Variants in ATP8B4 observed in about 807,000 individuals in gnomAD.
The protein encoded by ATP8B4 is probable phospholipid-transporting ATPase IM.
Under a neutral mutation model 145.6 loss-of-function variants are expected in ATP8B4, and 133 were observed. The ratio of observed to expected loss-of-function variants is 0.91; its 90% confidence interval spans 0.79 to 1.05. The LOEUF (loss-of-function observed/expected upper bound fraction) is 1.05. ATP8B4 is among the 50% of genes least tolerant of loss of function. The probability of loss-of-function intolerance (pLI) is 0.00; values close to 1 mark genes in which losing one functional copy is unlikely to be tolerated. For synonymous variants in ATP8B4, 507 were observed against 492.9 expected (o/e 1.03, Z -0.38); for missense variants, 1,458 against 1,425.2 (o/e 1.02, Z -0.37).
chr15:50,089,619 C>A (rs2055461708), intron 2 of ATP8B4, among the ~76,000 whole-genome samples: 2 of 152,040 alleles, frequency 1.3e-5, no homozygotes, highest in African/African-American at 4.8e-5. Context: ...AGTCAAGAAA[C>A]CACAGATGCT....
intron 14 of ATP8B4, among the ~76,000 whole-genome samples, chr15:49,949,477 G>C (rs772637537): frequency 7.2e-5 from 11 of 151,970 alleles, no homozygotes; most frequent in Non-Finnish European, 1.6e-4. Context: ...CTTGCCTATT[G>C]TTGGTGTAAA....
chr15:49,877,713 A>G (rs1459642663), intron 24 of ATP8B4, among the ~76,000 whole-genome samples: 1 of 152,110 alleles, frequency 6.6e-6, no homozygotes, highest in Non-Finnish European at 1.5e-5. Flanking sequence ...CATGCCCAGA[A>G]ATGCAAACAA....
rs1370590285 is a variant in ATP8B4, at chr15:50,012,123, T to C, written c.363-1206A>G. Among the ~76,000 whole-genome samples the C allele has an allele frequency of 2.0e-5, 3 of 152,274 alleles. No homozygotes were observed. In the East Asian group the frequency reaches 5.8e-4, roughly 29 times the overall value. ...AATCATTTTTCCAGTGCTACACTTTTCTGAACTTTAACTAGTTTGACAACA... is the reference window on the plus strand; with the variant it reads ...AATCATTTTTCCAGTGCTACACTTTCCTGAACTTTAACTAGTTTGACAACA... On this transcript the variant is annotated intron_variant, in intron 6 of 27. Transcript: ENST00000284509.
chr15:49,933,899 A>G, intron 15 of ATP8B4, 118 bp downstream of exon 15: 1 of 1,151,058 alleles, frequency 8.7e-7, no homozygotes. Context: ...AAAAACAAAA[A>G]CAAAAAACAA....
At chr15:49,884,177 G>A (rs1478278332) in intron 23 of ATP8B4, among the ~76,000 whole-genome samples, 1 of 151,842 alleles carries the variant, frequency 6.6e-6, no homozygotes, top group African/African-American at 2.4e-5. Flanking sequence ...TTGATAGTGG[G>A]GTCCTGAGAT....
At chr15:50,084,936 C>T (rs1049891324) in intron 2 of ATP8B4, among the ~76,000 whole-genome samples, 9 of 152,212 alleles carry the variant, frequency 5.9e-5, no homozygotes, top group African/African-American at 1.9e-4. Flanking sequence ...CACTTAAGCA[C>T]ATCCACAAAG....
At chr15:49,877,353 G>A (rs2034612446) in intron 24 of ATP8B4, among the ~76,000 whole-genome samples, 2 of 152,134 alleles carry the variant, frequency 1.3e-5, no homozygotes, top group African/African-American at 4.8e-5. Flanking sequence ...AACCAAAAAG[G>A]ATGGCAAGAA....
At chr15:49,977,720 T>C (rs2045795136) in intron 12 of ATP8B4, among the ~76,000 whole-genome samples, 2 of 152,178 alleles carry the variant, frequency 1.3e-5, no homozygotes, top group South Asian at 4.1e-4. Context: ...TTTTGAACAT[T>C]ATAAGAAAGA....
chr15:50,067,501 C>T (rs2053462582), intron 3 of ATP8B4, among the ~76,000 whole-genome samples: 1 of 152,106 alleles, frequency 6.6e-6, no homozygotes, highest in South Asian at 2.1e-4. Flanking sequence ...CTTCCTCTGG[C>T]AAAACTTCCT....
chr15:50,021,398 C>T (rs2049559223), intron 6 of ATP8B4, among the ~76,000 whole-genome samples: 1 of 152,212 alleles, frequency 6.6e-6, no homozygotes, highest in African/African-American at 2.4e-5. Context: ...AATTGGAATT[C>T]TCTATCACTA....
intron 6 of ATP8B4, among the ~76,000 whole-genome samples, chr15:50,012,332 C>T (rs1233156353): frequency 1.3e-5 from 2 of 152,276 alleles, no homozygotes; most frequent in East Asian, 1.9e-4. Context: ...GGAAACTGCA[C>T]TGCTACCAAA....
At chr15:50,111,069 G>A (rs1408671870) in intron 1 of ATP8B4, among the ~76,000 whole-genome samples, 1 of 152,224 alleles carries the variant, frequency 6.6e-6, no homozygotes, top group African/African-American at 2.4e-5. Context: ...AGACCTCCAT[G>A]CTGGAACTGC....
intron 19 of ATP8B4, among the ~76,000 whole-genome samples, 180 bp downstream of exon 19, chr15:49,918,659 T>C (rs535922546): frequency 1.3e-4 from 20 of 152,362 alleles, no homozygotes; most frequent in African/African-American, 4.6e-4. Flanking sequence ...TTTTGTTAGT[T>C]TGGTTTGTTT....
chr15:50,021,118 TGATAGATA>T (rs113258750), intron 6 of ATP8B4, among the ~76,000 whole-genome samples: 5,296 of 146,814 alleles, frequency 0.036, 149 homozygotes, highest in Middle Eastern at 0.082. Flanking sequence ...ATGGTGATTA[TGATAGATA>T]GATAGATAGA....
At chr15:50,159,119 A>C (rs1217374963) in intron 1 of ATP8B4, among the ~76,000 whole-genome samples, 1 of 152,180 alleles carries the variant, frequency 6.6e-6, no homozygotes, top group Non-Finnish European at 1.5e-5. Flanking sequence ...AAACATATTT[A>C]TTCTTCCAAT....
intron 2 of ATP8B4, among the ~76,000 whole-genome samples, chr15:50,080,478 C>T (rs2054471370): frequency 1.3e-5 from 2 of 152,116 alleles, no homozygotes; most frequent in South Asian, 4.1e-4. Flanking sequence ...AAACTATATC[C>T]ACTTATGCTT....
At chr15:50,163,920 G>T (rs936071419) in intron 1 of ATP8B4, among the ~76,000 whole-genome samples, 2 of 152,130 alleles carry the variant, frequency 1.3e-5, no homozygotes, top group Non-Finnish European at 2.9e-5. Flanking sequence ...ACTGTCTCAG[G>T]CTCATGGAAA....
At chr15:49,899,744 G>C (rs1374861600) in intron 21 of ATP8B4, among the ~76,000 whole-genome samples, 1 of 151,512 alleles carries the variant, frequency 6.6e-6, no homozygotes. Context: ...GAGCAAATTA[G>C]AATCATGATT....
At chr15:50,172,732 G>C (rs1325913711) in intron 1 of ATP8B4, among the ~76,000 whole-genome samples, 1 of 151,942 alleles carries the variant, frequency 6.6e-6, no homozygotes, top group Non-Finnish European at 1.5e-5. Context: ...CGTCTGAGAT[G>C]TGGGGAGCGC....
Sources: gnomAD v4.1 joint callset for allele counts (sites outside exome capture counted in the v4.1 genomes callset) on GRCh38, gnomAD v4.1.1 for gene constraint, MANE v1.5 for transcripts, NCBI Gene and HGNC (gene_info 2026-07-23, HGNC 2026-07-21) for gene names.